The following TBC1D32 variants were observed in gnomAD, a reference collection of about 807,000 sequenced individuals.
TBC1D32 encodes protein broad-minded.
In TBC1D32, 151 loss-of-function variants were observed where a neutral mutation model predicts 170.3. The observed-to-expected ratio is 0.89, with a 90% confidence interval of 0.78 to 1.01. The LOEUF is 1.01. Among genes scored for constraint, TBC1D32 ranks in the 50% least tolerant of loss-of-function variants. The pLI, the probability that TBC1D32 is intolerant of heterozygous loss-of-function variation, is 0.00. For synonymous variants in TBC1D32, 498 were observed against 488.0 expected (o/e 1.02, Z -0.27); for missense variants, 1,464 against 1,457.1 (o/e 1.00, Z -0.08).
At chr6:121,158,711 A>G (rs1266149898) in intron 24 of TBC1D32, among the ~76,000 whole-genome samples, 2 of 152,156 alleles carry the variant, frequency 1.3e-5, no homozygotes, top group African/African-American at 4.8e-5. Flanking sequence ...TTTGTGGCTG[A>G]ATTTTTGCCT....
At chr6:121,325,701 G>A (rs1810368267) in intron 1 of TBC1D32, among the ~76,000 whole-genome samples, 1 of 152,132 alleles carries the variant, frequency 6.6e-6, no homozygotes, top group South Asian at 2.1e-4. Flanking sequence ...TATCATTCAG[G>A]ACATAGGCAT....
intron 30 of TBC1D32, among the ~76,000 whole-genome samples, chr6:121,103,577 C>T (rs1582787475): frequency 8.8e-6 from 1 of 113,360 alleles, no homozygotes; most frequent in East Asian, 2.7e-4. Flanking sequence ...CACTCTGGGG[C>T]CTGTTGTAGG....
intron 20 of TBC1D32, among the ~76,000 whole-genome samples, chr6:121,231,529 T>C (rs537149297): frequency 5.3e-5 from 8 of 152,192 alleles, no homozygotes; most frequent in Non-Finnish European, 1.0e-4. Flanking sequence ...CTAGTTTACA[T>C]TCCCACTGAC....
intron 1 of TBC1D32, among the ~76,000 whole-genome samples, chr6:121,330,393 T>C (rs1811055556): frequency 6.6e-6 from 1 of 152,156 alleles, no homozygotes; most frequent in Non-Finnish European, 1.5e-5. Flanking sequence ...AATTAAAAAG[T>C]CACCGGTGAA....
At chr6:121,102,808 C>A (rs908565040) in intron 30 of TBC1D32, among the ~76,000 whole-genome samples, 24 of 152,100 alleles carry the variant, frequency 1.6e-4, no homozygotes, top group African/African-American at 5.8e-4. Flanking sequence ...AGGCAACCTA[C>A]AGAATGAGAG....
In TBC1D32 at chr6:121,232,494, T is replaced by C. The variant is rs181744343; in HGVS notation, c.2364+6576A>G. On this transcript the variant is annotated intron_variant, in intron 20 of 31. Coordinates refer to ENST00000398212, the MANE Select transcript of TBC1D32 (RefSeq NM_152730.6). ...GTATTTTGATAGGAATTGCATTGAA[T>C]CTGTAAATTGCTTTGGGAAGTATAG... Among the ~76,000 whole-genome samples, 37 of 152,264 alleles carry C rather than the reference T, an allele frequency of 2.4e-4. No individual in the cohort carries two copies. In the East Asian group the frequency reaches 3.3e-3, roughly 14 times the overall value.
chr6:121,176,020 C>T (rs557149041), intron 22 of TBC1D32, among the ~76,000 whole-genome samples: 4 of 152,132 alleles, frequency 2.6e-5, no homozygotes, highest in East Asian at 1.9e-4. Flanking sequence ...GTTGGCAATT[C>T]GCCAATAAAC....
At chr6:121,154,424 C>T (rs1784611981) in intron 24 of TBC1D32, among the ~76,000 whole-genome samples, 1 of 152,178 alleles carries the variant, frequency 6.6e-6, no homozygotes, top group Non-Finnish European at 1.5e-5. Context: ...AGGACTGGAG[C>T]TGTTCCTATT....
intron 26 of TBC1D32, among the ~76,000 whole-genome samples, chr6:121,122,555 G>GC (rs1562553782): frequency 2.8e-5 from 4 of 145,058 alleles, no homozygotes; most frequent in African/African-American, 8.2e-5. Context: ...CTGAAGTGTG[G>GC]TAAAAAAAAA....
chr6:121,283,897 G>A lies in TBC1D32; in HGVS notation c.1386C>T (p.Leu462=). Residue 462 remains leucine (L), a synonymous_variant, in exon 13 of 32, where the codon CTC becomes CTT. Transcript: ENST00000398212. Reference sequence around the variant, plus strand: ...GGGTAAAAAGAACAAGCAGATCTATGAGGGATACCAAACCTTTAAAAAGAA... The same window carrying A: ...GGGTAAAAAGAACAAGCAGATCTATAAGGGATACCAAACCTTTAAAAAGAA... ...KLKNKKGLVS[L]IDLLVLFTQL... 2 of 1,606,220 alleles carry A rather than the reference G, an allele frequency of 1.2e-6. No homozygotes were observed. Among genetic ancestry groups the A allele is most frequent in the East Asian group, 2.2e-5 (1 of 44,650 alleles).
chr6:121,174,708 C>G (rs534360778), intron 22 of TBC1D32, among the ~76,000 whole-genome samples: 2 of 152,180 alleles, frequency 1.3e-5, no homozygotes, highest in African/African-American at 4.8e-5. Flanking sequence ...GACATAGACT[C>G]TAATACACAC....
chr6:121,089,460 C>T (rs1235516377), intron 31 of TBC1D32, among the ~76,000 whole-genome samples: 2 of 152,096 alleles, frequency 1.3e-5, no homozygotes, highest in East Asian at 1.9e-4. Flanking sequence ...ATGATGAAAA[C>T]GTCCCTTACT....
chr6:121,107,056 A>T (rs1778766034), intron 29 of TBC1D32, among the ~76,000 whole-genome samples: 1 of 151,986 alleles, frequency 6.6e-6, no homozygotes. Flanking sequence ...AAAGTTAATC[A>T]AATTAGATCT....
At chr6:121,266,889 C>A (rs1406030786) in intron 15 of TBC1D32, among the ~76,000 whole-genome samples, 3 of 151,856 alleles carry the variant, frequency 2.0e-5, no homozygotes, top group East Asian at 1.9e-4. Context: ...GAGAGGAGAA[C>A]AACACACACC....
In TBC1D32 at chr6:121,103,586, G is replaced by A. The variant is rs540791450; in HGVS notation, c.3465+2437C>T. ...ACATTACACTCTGGGGCCTGTTGTA[G>A]GGAGGGGGGAGGGGGGAGGGATAGC... is the stretch of plus-strand genomic sequence containing the variant. On this transcript the variant is annotated intron_variant, in intron 30 of 31. Coordinates refer to ENST00000398212, the MANE Select transcript of TBC1D32 (RefSeq NM_152730.6). Among the ~76,000 whole-genome samples, 5 of 112,020 alleles carry A rather than the reference G, an allele frequency of 4.5e-5. No homozygotes were observed. In the East Asian group the frequency reaches 1.6e-3, roughly 37 times the overall value. 73.5% of individuals were successfully genotyped at this position (112,020 alleles called of 152,430 possible).
chr6:121,159,488 T>C (rs1030511374), intron 24 of TBC1D32, among the ~76,000 whole-genome samples: 9 of 152,184 alleles, frequency 5.9e-5, no homozygotes, highest in African/African-American at 2.2e-4. Context: ...ATTAGCCTCA[T>C]ACAAATAGTC....
intron 20 of TBC1D32, among the ~76,000 whole-genome samples, chr6:121,224,727 C>A (rs1043060714): frequency 2.0e-4 from 31 of 152,062 alleles, no homozygotes; most frequent in African/African-American, 6.5e-4. Flanking sequence ...ATATCTCCTC[C>A]CTTAGTATGC....
At chr6:121,202,038 A>C (rs1262040921) in intron 22 of TBC1D32, among the ~76,000 whole-genome samples, 1 of 151,216 alleles carries the variant, frequency 6.6e-6, no homozygotes, top group Non-Finnish European at 1.5e-5. Flanking sequence ...CAACATGTTT[A>C]AGTGAGAAAT....
At chr6:121,244,077 T>C (rs567770745) in intron 17 of TBC1D32, among the ~76,000 whole-genome samples, 83 of 151,894 alleles carry the variant, frequency 5.5e-4, no homozygotes, top group South Asian at 1.9e-3. Flanking sequence ...ATGCAATAAA[T>C]TGGTCAAGAA....
Sources: gnomAD v4.1 joint callset for allele counts (sites outside exome capture counted in the v4.1 genomes callset) on GRCh38, gnomAD v4.1.1 for gene constraint, MANE v1.5 for transcripts, NCBI Gene and HGNC (gene_info 2026-07-23, HGNC 2026-07-21) for gene names.